The following NRG1 variants were observed in gnomAD, a reference collection of about 807,000 sequenced individuals.
The protein encoded by NRG1 is pro-neuregulin-1, membrane-bound isoform.
In NRG1, 18 loss-of-function variants were observed where a neutral mutation model predicts 63.8. The ratio of observed to expected loss-of-function variants is 0.28; its 90% CI spans 0.19 to 0.42. The LOEUF (loss-of-function observed/expected upper bound fraction) is 0.42, where lower values mean the gene tolerates loss of function less well. Among genes scored for constraint, NRG1 ranks in the 10% least tolerant of loss-of-function variants. The pLI, the probability that NRG1 is intolerant of heterozygous loss-of-function variation, is 1.00. For missense variants in NRG1, 762 were observed against 814.7 expected, an observed-to-expected ratio of 0.94 and a Z score of 0.79; for synonymous variants, 302 against 301.3, an observed-to-expected ratio of 1.00 and a Z score of -0.02.
At chr8:32,407,465 T>G (rs991495068) in intron 1 of NRG1, among the ~76,000 whole-genome samples, 1 of 151,696 alleles carries the variant, frequency 6.6e-6, no homozygotes, top group Non-Finnish European at 1.5e-5. Flanking sequence ...AAGAACATAT[T>G]AGGTGAGTCA....
intron 1 of NRG1, among the ~76,000 whole-genome samples, chr8:32,002,019 A>C (rs1358418602): frequency 6.6e-6 from 1 of 151,868 alleles, no homozygotes; most frequent in Non-Finnish European, 1.5e-5. Context: ...TATCTACATA[A>C]ATTAATTGAA....
intron 1 of NRG1, among the ~76,000 whole-genome samples, chr8:31,655,732 A>C (rs1266653088): frequency 6.6e-6 from 1 of 152,216 alleles, no homozygotes; most frequent in East Asian, 1.9e-4. Flanking sequence ...GCATGCAGGG[A>C]GCTGAGGTGG....
At chr8:32,008,512 A>G (rs548188650) in intron 1 of NRG1, among the ~76,000 whole-genome samples, 1 of 152,198 alleles carries the variant, frequency 6.6e-6, no homozygotes, top group African/African-American at 2.4e-5. Context: ...TATTTCAAAT[A>G]TTAAATATTT....
chr8:32,772,037 ATATGTATATAT>A (rs1831849405), downstream of NRG1, among the ~76,000 whole-genome samples: 1 of 112,740 alleles, frequency 8.9e-6, no homozygotes, highest in African/African-American at 3.6e-5. Flanking sequence ...AAAAAAAAAA[ATATGTATATAT>A]ATATATATAT....
intron 1 of NRG1, among the ~76,000 whole-genome samples, chr8:31,783,609 A>AAC (rs947453026): frequency 4.0e-5 from 6 of 151,806 alleles, no homozygotes; most frequent in South Asian, 2.1e-4. Context: ...CAGGCAAAAA[A>AAC]AAAAAAAAAC....
intron 1 of NRG1, among the ~76,000 whole-genome samples, chr8:31,739,324 C>T (rs1057463724): frequency 6.6e-6 from 1 of 152,026 alleles, no homozygotes; most frequent in African/African-American, 2.4e-5. Flanking sequence ...TAATGCAATA[C>T]TAATTCTAAA....
chr8:31,988,414 C>A (rs1417701118), intron 1 of NRG1, among the ~76,000 whole-genome samples: 1 of 152,082 alleles, frequency 6.6e-6, no homozygotes, highest in Non-Finnish European at 1.5e-5. Context: ...CCCTAACTGA[C>A]CCAGTTGACC....
intron 1 of NRG1, among the ~76,000 whole-genome samples, chr8:32,306,886 T>C (rs558835637): frequency 7.2e-5 from 11 of 152,244 alleles, no homozygotes; most frequent in African/African-American, 1.7e-4. Flanking sequence ...TTATCACTTA[T>C]ATTTCTAGAG....
intron 1 of NRG1, among the ~76,000 whole-genome samples, chr8:32,106,827 T>C (rs1490372702): frequency 6.6e-6 from 1 of 152,212 alleles, no homozygotes; most frequent in Non-Finnish European, 1.5e-5. Context: ...TTTACTCAGT[T>C]TTCTTTTTCT....
chr8:32,520,403 C>A (rs2129505400), intron 1 of NRG1, among the ~76,000 whole-genome samples: 1 of 152,096 alleles, frequency 6.6e-6, no homozygotes, highest in Non-Finnish European at 1.5e-5. Flanking sequence ...AAGGGATCCA[C>A]CCGCCTCGGC....
Position 31,858,587 on chromosome 8 carries a change from A to G in NRG1, c.37+219156A>G, listed in dbSNP as rs1311281948. 4.6e-5 allele frequency among the ~76,000 whole-genome samples: 7 copies of G among 152,248 alleles called. No homozygotes were observed. In the East Asian group the frequency reaches 1.4e-3, roughly 29 times the overall value. ...TTGGACCAAGAAGAAGCTCCAAAGA[A>G]CTTCCCAAAGCCAAACTTACACCAA... On this transcript the variant is annotated intron_variant, in intron 1 of 10. Coordinates refer to the NRG1 transcript ENST00000519301.
intron 1 of NRG1, among the ~76,000 whole-genome samples, chr8:32,484,193 G>A (rs1825646996): frequency 6.6e-6 from 1 of 152,142 alleles, no homozygotes; most frequent in Non-Finnish European, 1.5e-5. Flanking sequence ...AACAAAACCA[G>A]TGTACTAAGG....
chr8:31,677,449 T>C (rs4733269), intron 1 of NRG1, among the ~76,000 whole-genome samples: 62,282 of 151,892 alleles, frequency 0.41, 13,652 homozygotes, highest in Non-Finnish European at 0.49. Context: ...GTGGCTTTTC[T>C]CCTATAACAT....
intron 1 of NRG1, among the ~76,000 whole-genome samples, chr8:32,565,573 G>T (rs887705895): frequency 1.1e-4 from 16 of 151,978 alleles, no homozygotes; most frequent in African/African-American, 3.9e-4. Context: ...AGCTATGTGC[G>T]GTCTGCTGCC....
chr8:31,890,539 A>G (rs1831066309), intron 1 of NRG1, among the ~76,000 whole-genome samples: 1 of 152,156 alleles, frequency 6.6e-6, no homozygotes, highest in African/African-American at 2.4e-5. Context: ...AGCACAATAA[A>G]TGAGACAAAA....
chr8:32,204,703 C>T (rs1311210590), intron 1 of NRG1, among the ~76,000 whole-genome samples: 1 of 152,170 alleles, frequency 6.6e-6, no homozygotes, highest in African/African-American at 2.4e-5. Flanking sequence ...AGAATATACA[C>T]ATTTAAACCC....
Position 31,640,828 on chromosome 8 carries a change from G to A in NRG1, c.37+1397G>A. 1 of 1,414,004 alleles carries A rather than the reference G, an allele frequency of 7.1e-7. No homozygotes were observed. Among genetic ancestry groups the A allele is most frequent in the Non-Finnish European group, 9.2e-7 (1 of 1,086,506 alleles). 87.6% of individuals were successfully genotyped at this position (1,414,004 alleles called of 1,614,324 possible). A position where few individuals can be genotyped will look rare whatever the true frequency, so the allele number is the denominator to read the frequency against. ...CGACGGCCGCCCGAGCAAGGCAGAG[G>A]CGCTCTGGGTCCCAGTTGTTGGTTT... On this transcript the variant is annotated intron_variant, in intron 1 of 10. Transcript: ENST00000519301. This position sits in a 1 kb window ranked among gnomAD's most constrained non-coding sequence, Gnocchi z 6.3.
intron 1 of NRG1, among the ~76,000 whole-genome samples, chr8:31,809,741 G>GGTTTTTTT (rs1554539613): frequency 2.9e-5 from 2 of 68,018 alleles, no homozygotes; most frequent in Non-Finnish European, 5.2e-5. Context: ...TCTATTAATT[G>GGTTTTTTT]TTTTTTTTTT....
chr8:31,923,239 T>A (rs1563571976), intron 1 of NRG1, among the ~76,000 whole-genome samples: 1 of 152,222 alleles, frequency 6.6e-6, no homozygotes, highest in South Asian at 2.1e-4. Flanking sequence ...TGTGTCAGAT[T>A]TTTTTCTGCA....
Sources: gnomAD v4.1 joint callset for allele counts (sites outside exome capture counted in the v4.1 genomes callset) on GRCh38, gnomAD v4.1.1 for gene constraint, Gnocchi (gnomAD v3.1) non-coding constraint, MANE v1.5 for transcripts, NCBI Gene and HGNC (gene_info 2026-07-23, HGNC 2026-07-21) for gene names.